The following FAM135B variants were observed in gnomAD, a reference collection of about 807,000 sequenced individuals.
FAM135B encodes the protein protein FAM135B.
A neutral mutation model predicts 127.7 loss-of-function variants in FAM135B; 43 were observed. The observed-to-expected ratio is 0.34, with a 90% CI of 0.26 to 0.43. The LOEUF (loss-of-function observed/expected upper bound fraction) is 0.43. Ranked by LOEUF, FAM135B falls within the 20% of genes least tolerant of loss-of-function variation. The pLI, the probability that FAM135B is intolerant of heterozygous loss-of-function variation, is 1.00. For missense variants in FAM135B, 1,558 were observed against 1,725.6 expected, an observed-to-expected ratio of 0.90 and a Z score of 1.72; for synonymous variants, 670 against 665.1, an observed-to-expected ratio of 1.01 and a Z score of -0.11.
rs1271913564 is a variant in FAM135B, at chr8:138,497,026, A to T, written c.-375T>A. ...GCTGTCAGCGCGGTCGGGGGAACGCAGCCGCCAGCGCCGCAAGAAAGCAAG... is the reference window on the plus strand; with the variant it reads ...GCTGTCAGCGCGGTCGGGGGAACGCTGCCGCCAGCGCCGCAAGAAAGCAAG... On this transcript the variant is annotated 5_prime_UTR_variant, in exon 1 of 20. Coordinates refer to ENST00000395297, the MANE Select transcript of FAM135B (RefSeq NM_015912.4). Among the ~76,000 whole-genome samples, 1 of 152,010 alleles carries T rather than the reference A, an allele frequency of 6.6e-6. No individual in the cohort carries two copies. The highest frequency in any genetic ancestry group is 2.4e-5 in the African/African-American group (1 of 41,540).
rs2131141472 is a variant in FAM135B at position 138,197,669 on chromosome 8, C to T, written c.670G>A (p.Gly224Arg). 1 of 1,613,172 alleles carries T rather than the reference C, an allele frequency of 6.2e-7. No individual in the cohort carries two copies. The highest frequency in any genetic ancestry group is 1.7e-5 in the Admixed American group (1 of 59,986). The change falls in exon 8 of 20, where the codon GGA becomes AGA. Residue 224 changes from glycine to arginine, a missense_variant and splice_region_variant. Transcript: ENST00000395297. ...TTCTCAGAGGTGATGTAGAAGCTTC[C>T]CTAAGGGGTGAAACAGAAACAGAGG... ...AGYCKPTSSE[G>R]SFYITSENCM...
intron 19 of FAM135B, among the ~76,000 whole-genome samples, chr8:138,135,581 G>A (rs967973373): frequency 2.6e-5 from 4 of 152,112 alleles, no homozygotes; most frequent in Admixed American, 1.3e-4. Context: ...AACAGTACAC[G>A]TGTTGCTGGT....
intron 11 of FAM135B, among the ~76,000 whole-genome samples, chr8:138,176,918 C>T (rs1814526640): frequency 6.6e-6 from 1 of 152,194 alleles, no homozygotes; most frequent in Non-Finnish European, 1.5e-5. Context: ...CTTAGCAATT[C>T]ATCAGCCCTC....
At chr8:138,162,125 G>A (rs1361972193) in intron 12 of FAM135B, among the ~76,000 whole-genome samples, 2 of 152,180 alleles carry the variant, frequency 1.3e-5, no homozygotes, top group African/African-American at 2.4e-5. Context: ...TTAGGAGGAG[G>A]GAAAGTGAGT....
In FAM135B at chr8:138,132,381, AT is replaced by A. The variant is rs1816280185; in HGVS notation, c.*211del. Reference sequence around the variant, plus strand: ...AATGACACTCCAGGTAACTATACAAATTCAAGCAAAGTTTGTTGTCATTTAG... The same window carrying A: ...AATGACACTCCAGGTAACTATACAAATCAAGCAAAGTTTGTTGTCATTTAG... On this transcript the variant is annotated 3_prime_UTR_variant, in exon 20 of 20. Transcript: ENST00000395297. This position sits in a 1 kb window ranked among gnomAD's most constrained non-coding sequence, Gnocchi z 4.5. 1 of 546,510 alleles carries A rather than the reference AT, an allele frequency of 1.8e-6. No homozygotes were observed. Among genetic ancestry groups the A allele is most frequent in the Admixed American group, 3.2e-5 (1 of 31,586 alleles). The allele number at this position is 546,510 out of a possible 1,614,324, so 33.9% of individuals were successfully genotyped here. A position where few individuals can be genotyped will look rare whatever the true frequency, so the allele number is the denominator to read the frequency against.
Position 138,248,780 on chromosome 8 carries a change from A to T in FAM135B, c.542+2061T>A, listed in dbSNP as rs556207754. ...GGTTGCAGTGAGCTGAATTTGCATC[A>T]CTGCACTCTAGCCTGGGTGACAGAC... is the stretch of plus-strand genomic sequence containing the variant. On this transcript the variant is annotated intron_variant, in intron 6 of 19. Transcript: ENST00000395297. Among the ~76,000 whole-genome samples the T allele has an allele frequency of 1.1e-3, 165 of 150,180 alleles. 1 individual carries two copies. The highest frequency in any genetic ancestry group is 3.8e-3 in the African/African-American group (155 of 40,702).
intron 3 of FAM135B, among the ~76,000 whole-genome samples, chr8:138,270,287 G>A (rs139283190): frequency 2.1e-3 from 316 of 152,236 alleles, no homozygotes; most frequent in Non-Finnish European, 3.4e-3. Flanking sequence ...TGTTGGACTG[G>A]GACAGACCCT....
chr8:138,287,601 A>G (rs1411798198), intron 3 of FAM135B, among the ~76,000 whole-genome samples: 1 of 152,124 alleles, frequency 6.6e-6, no homozygotes, highest in East Asian at 1.9e-4. Context: ...AAAGTCCCCA[A>G]ACAGTGGCAG....
At chr8:138,481,361 A>G (rs1393808715) in intron 1 of FAM135B, among the ~76,000 whole-genome samples, 1 of 152,232 alleles carries the variant, frequency 6.6e-6, no homozygotes, top group Non-Finnish European at 1.5e-5. Context: ...GGTTTTGCAA[A>G]TCAGAGCTAG....
intron 7 of FAM135B, among the ~76,000 whole-genome samples, chr8:138,222,633 G>A (rs1160376617): frequency 6.7e-6 from 1 of 150,356 alleles, no homozygotes; most frequent in Non-Finnish European, 1.5e-5. Flanking sequence ...ATTTAGATGT[G>A]GTGGGGTTTT....
intron 17 of FAM135B, among the ~76,000 whole-genome samples, chr8:138,139,314 G>C (rs984659608): frequency 6.6e-5 from 10 of 152,110 alleles, no homozygotes; most frequent in African/African-American, 2.4e-4. Context: ...AATGATGACA[G>C]GACAACAGCC....
Position 138,197,601 on chromosome 8 carries a change from C to A in FAM135B, c.738G>T (p.Leu246=). 5 of 1,614,154 alleles carry A rather than the reference C, an allele frequency of 3.1e-6. No individual in the cohort carries two copies. Among genetic ancestry groups the A allele is most frequent in the Non-Finnish European group, 3.4e-6 (4 of 1,180,026 alleles). The change falls in exon 8 of 20, where the codon CTG becomes CTT. Residue 246 remains leucine, a synonymous_variant. Coordinates refer to ENST00000395297, the MANE Select transcript of FAM135B (RefSeq NM_015912.4). ...GACCCCGGTAAGCGTGGAGGAGCAA[C>A]AGGCACAGGTCTCGGTGCCACTTGT... is the stretch of plus-strand genomic sequence containing the variant. ...HAHKWHRDLC[L]LLLHAYRGLR...
At chr8:138,436,340 A>ATT (rs199541409) in intron 1 of FAM135B, among the ~76,000 whole-genome samples, 2 of 151,534 alleles carry the variant, frequency 1.3e-5, no homozygotes, top group South Asian at 4.2e-4. Context: ...ACCCCTGAGC[A>ATT]TTTTTTTTTA....
rs2130726914 is a variant in FAM135B at position 138,151,372 on chromosome 8, C to T, written c.3103G>A (p.Val1035Met). The change falls in exon 13 of 20, where the codon GTG (valine) becomes ATG (methionine). Residue 1035 changes from valine to methionine, a missense_variant. Physicochemically the swap from Val to Met is conservative, Grantham distance 21. Coordinates refer to ENST00000395297, the MANE Select transcript of FAM135B (RefSeq NM_015912.4). ...LKAVEVVNLS[V>M]SCTATCLPFS... Reference sequence around the variant, plus strand: ...GGGAGACAGGTGGCAGTGCAAGACACAGATAAGTTCACAACCTCCACAGCC... The same window carrying T: ...GGGAGACAGGTGGCAGTGCAAGACATAGATAAGTTCACAACCTCCACAGCC... The T allele has an allele frequency of 6.2e-7, 1 of 1,613,594 alleles. No individual in the cohort carries two copies. The highest frequency in any genetic ancestry group is 8.5e-7 in the Non-Finnish European group (1 of 1,179,792).
intron 7 of FAM135B, among the ~76,000 whole-genome samples, chr8:138,230,103 C>A (rs1297072204): frequency 1.3e-5 from 2 of 152,176 alleles, no homozygotes; most frequent in Admixed American, 6.5e-5. Flanking sequence ...AGACACATGA[C>A]CCCAAACTAA....
chr8:138,165,315 T>C (rs1029760072), intron 12 of FAM135B, among the ~76,000 whole-genome samples: 7 of 151,892 alleles, frequency 4.6e-5, no homozygotes, highest in Non-Finnish European at 8.8e-5. Flanking sequence ...AGATGGGGTG[T>C]CTTCATGTTA....
At chr8:138,235,657 CT>C (rs1449246535) in intron 7 of FAM135B, among the ~76,000 whole-genome samples, 1 of 152,146 alleles carries the variant, frequency 6.6e-6, no homozygotes, top group Non-Finnish European at 1.5e-5. Context: ...CAGTTTCCCC[CT>C]CCCCACCCTG....
intron 14 of FAM135B, among the ~76,000 whole-genome samples, chr8:138,146,961 A>G (rs1319313547): frequency 2.6e-5 from 4 of 152,198 alleles, no homozygotes; most frequent in African/African-American, 7.2e-5. Flanking sequence ...TTATGAAACT[A>G]CCCAATGATT....
chr8:138,236,688 C>A (rs1820299807), intron 7 of FAM135B, among the ~76,000 whole-genome samples: 2 of 152,200 alleles, frequency 1.3e-5, no homozygotes, highest in South Asian at 2.1e-4. Context: ...GAAGTCCATG[C>A]ACATAAGTGG....
Sources: gnomAD v4.1 joint callset for allele counts (sites outside exome capture counted in the v4.1 genomes callset) on GRCh38, gnomAD v4.1.1 for gene constraint, Gnocchi (gnomAD v3.1) non-coding constraint, MANE v1.5 for transcripts, NCBI Gene and HGNC (gene_info 2026-07-23, HGNC 2026-07-21) for gene names.